The following SENP6 variants were observed in gnomAD, a reference collection of about 807,000 sequenced individuals.
The protein encoded by SENP6 is SUMO specific peptidase 6.
In SENP6, 41 loss-of-function variants were observed where a neutral mutation model predicts 134.5. That is an observed-to-expected ratio of 0.30 (90% CI 0.24 to 0.40). SENP6 has a LOEUF of 0.40. SENP6 is among the 10% of genes least tolerant of loss of function. The pLI is 1.00. For missense variants in SENP6, 1,248 were observed against 1,312.5 expected, an observed-to-expected ratio of 0.95 and a Z score of 0.76; for synonymous variants, 395 against 429.8, an observed-to-expected ratio of 0.92 and a Z score of 1.00.
chr6:75,619,482 T>C (rs1162624799), intron 1 of SENP6, among the ~76,000 whole-genome samples: 3 of 151,804 alleles, frequency 2.0e-5, no homozygotes, highest in Non-Finnish European at 4.4e-5. Flanking sequence ...TGTACATATG[T>C]ACACACATAC....
At chr6:75,613,552 T>C (rs747049931) in intron 1 of SENP6, among the ~76,000 whole-genome samples, 1 of 152,032 alleles carries the variant, frequency 6.6e-6, no homozygotes, top group East Asian at 1.9e-4. Context: ...TATGTAATAG[T>C]AAAAAGGTGG....
intron 8 of SENP6, among the ~76,000 whole-genome samples, chr6:75,660,972 C>A (rs1024133223): frequency 6.6e-6 from 1 of 152,112 alleles, no homozygotes; most frequent in African/African-American, 2.4e-5. Flanking sequence ...TCATTCATTT[C>A]TCTGAGGAGC....
chr6:75,627,739 G>C (rs940156830), intron 3 of SENP6, among the ~76,000 whole-genome samples: 4 of 152,134 alleles, frequency 2.6e-5, no homozygotes, highest in Non-Finnish European at 4.4e-5. Context: ...GCAGTGGTGT[G>C]ATCTCAGCTC....
At chr6:75,630,240 T>C (rs953851861) in intron 3 of SENP6, among the ~76,000 whole-genome samples, 2 of 152,006 alleles carry the variant, frequency 1.3e-5, no homozygotes, top group African/African-American at 4.8e-5. Context: ...CGGCAAATTT[T>C]TGTATTTTTA....
intron 5 of SENP6, among the ~76,000 whole-genome samples, chr6:75,638,622 ATTTTTTTTTTT>A (rs57353168): frequency 1.2e-3 from 36 of 29,876 alleles, no homozygotes; most frequent in South Asian, 6.9e-3. Flanking sequence ...ATATATATAT[ATTTTTTTTTTT>A]TTTTTTTTTT....
At chr6:75,678,454 T>C (rs763590342) in intron 14 of SENP6, 129 bp from the exon 15 acceptor site, 3 of 602,748 alleles carry the variant, frequency 5.0e-6, no homozygotes, top group Non-Finnish European at 8.8e-6. Context: ...TTGTTAAGTA[T>C]CATGCATACT....
At chr6:75,615,442 A>C (rs943984339) in intron 1 of SENP6, among the ~76,000 whole-genome samples, 3 of 152,100 alleles carry the variant, frequency 2.0e-5, no homozygotes, top group African/African-American at 4.8e-5. Context: ...GCCCTCCCAA[A>C]GTGCTGGGAT....
chr6:75,671,713 C>T (rs1772690717), intron 11 of SENP6, among the ~76,000 whole-genome samples: 1 of 152,128 alleles, frequency 6.6e-6, no homozygotes, highest in South Asian at 2.1e-4. Context: ...CAGATCAAGA[C>T]TCTGTCTCAA....
chr6:75,665,466 C>T (rs1360365316), intron 9 of SENP6, among the ~76,000 whole-genome samples: 1 of 152,040 alleles, frequency 6.6e-6, no homozygotes, highest in Non-Finnish European at 1.5e-5. Flanking sequence ...GATAAATAGG[C>T]AGGGGCCAGA....
intron 16 of SENP6, among the ~76,000 whole-genome samples, chr6:75,693,883 CATA>C (rs1168802720): frequency 2.6e-5 from 4 of 152,114 alleles, no homozygotes; most frequent in African/African-American, 9.7e-5. Context: ...TTTAATATAT[CATA>C]ATTTCCCTTT....
At chr6:75,634,020 A>G (rs1769313764) in intron 4 of SENP6, among the ~76,000 whole-genome samples, 3 of 152,208 alleles carry the variant, frequency 2.0e-5, no homozygotes, top group African/African-American at 7.2e-5. Context: ...TTGAAGAAGC[A>G]CAATAGAGTG....
Position 75,602,541 on chromosome 6 carries a change from G to T in SENP6, c.17G>T (p.Ser6Ile), listed in dbSNP as rs1417572371. ...AGGAGGAAGATGGCGGCCGGCAAGA[G>T]CGGCGGTAGCGCAGGGGAGATTACT... MAAGK[S>I]GGSAGEITFL... The change falls in exon 1 of 24, where the codon AGC (serine) becomes ATC (isoleucine). Residue 6 changes from serine (S) to isoleucine (I), a missense_variant. Ser to Ile is a moderately radical substitution (Grantham distance 142, BLOSUM62 -2). This residue lies in a region of SENP6 where 733 missense variants were observed against 725.4 expected (regional missense o/e 1.01). Coordinates refer to ENST00000447266, the MANE Select transcript of SENP6 (RefSeq NM_015571.4). The T allele has an allele frequency of 1.3e-6, 2 of 1,551,584 alleles. No homozygotes were observed. The highest frequency in any genetic ancestry group is 2.4e-5 in the East Asian group (1 of 40,896).
At chr6:75,642,392 T>A (rs192535336) in intron 6 of SENP6, among the ~76,000 whole-genome samples, 3 of 152,358 alleles carry the variant, frequency 2.0e-5, no homozygotes, top group African/African-American at 7.2e-5. Flanking sequence ...GGAAACTCTT[T>A]ACTATGAAGC....
intron 18 of SENP6, 199 bp downstream of exon 18, chr6:75,697,716 C>T: frequency 2.1e-6 from 1 of 478,468 alleles, no homozygotes; most frequent in South Asian, 4.7e-5. Context: ...ATTTTAGAGA[C>T]AATAGACCAG....
intron 7 of SENP6, among the ~76,000 whole-genome samples, chr6:75,652,567 T>C (rs1239816427): frequency 6.7e-6 from 1 of 149,560 alleles, no homozygotes; most frequent in Non-Finnish European, 1.5e-5. Context: ...CCAGGCGCGG[T>C]GGCTCACGCC....
chr6:75,711,813 C>T (rs1396499691), intron 21 of SENP6, among the ~76,000 whole-genome samples: 1 of 152,226 alleles, frequency 6.6e-6, no homozygotes, highest in Non-Finnish European at 1.5e-5. Context: ...GCTGGGACTA[C>T]AGGTGCGTGC....
At chr6:75,696,853 A>G (rs529338817) in intron 17 of SENP6, among the ~76,000 whole-genome samples, 3 of 152,308 alleles carry the variant, frequency 2.0e-5, no homozygotes, top group African/African-American at 4.8e-5. Context: ...CAAAAGATAC[A>G]CTTAAGAATT....
At chr6:75,650,236 A>G (rs1337174042) in intron 7 of SENP6, among the ~76,000 whole-genome samples, 1 of 152,220 alleles carries the variant, frequency 6.6e-6, no homozygotes, top group South Asian at 2.1e-4. Flanking sequence ...TAGGGGTTAC[A>G]TGATGTTGAA....
At chr6:75,628,311 T>C (rs1768854348) in intron 3 of SENP6, among the ~76,000 whole-genome samples, 1 of 152,152 alleles carries the variant, frequency 6.6e-6, no homozygotes, top group Non-Finnish European at 1.5e-5. Context: ...AAGATAAACT[T>C]CACTGAAGCT....
Sources: allele counts gnomAD v4.1 joint callset (sites outside exome capture counted in the v4.1 genomes callset), GRCh38; gene constraint gnomAD v4.1.1; regional missense constraint gnomAD v4.1.1; transcripts MANE v1.5; gene names NCBI Gene and HGNC (gene_info 2026-07-23, HGNC 2026-07-21).